Variants in LMO1 observed in about 807,000 individuals in gnomAD.
LMO1 encodes LIM domain only 1.
A neutral mutation model predicts 18.0 loss-of-function variants in LMO1; 10 were observed. That is an observed-to-expected ratio of 0.55 (90% CI 0.34 to 0.94). The LOEUF is 0.94. Ranked by LOEUF, LMO1 falls within the 40% of genes least tolerant of loss-of-function variation. The probability of loss-of-function intolerance (pLI) is 0.02; values close to 1 mark genes in which losing one functional copy is unlikely to be tolerated. For missense variants in LMO1, 183 were observed against 205.7 expected, an observed-to-expected ratio of 0.89 and a Z score of 0.68; for synonymous variants, 77 against 77.9, an observed-to-expected ratio of 0.99 and a Z score of 0.06.
At chr11:8,259,519 C>T (rs1847152152) in intron 1 of LMO1, among the ~76,000 whole-genome samples, 1 of 152,232 alleles carries the variant, frequency 6.6e-6, no homozygotes, top group Admixed American at 6.5e-5. Context: ...TGGGCAAGTG[C>T]ACAATTTGGT....
intron 1 of LMO1, among the ~76,000 whole-genome samples, chr11:8,239,705 G>A (rs1846751138): frequency 6.6e-6 from 1 of 152,190 alleles, no homozygotes; most frequent in Non-Finnish European, 1.5e-5. Context: ...GACATTTGGA[G>A]CTGAAGAAGT....
chr11:8,250,922 T>G (rs1475144097), intron 1 of LMO1, among the ~76,000 whole-genome samples: 2 of 151,976 alleles, frequency 1.3e-5, no homozygotes, highest in Admixed American at 6.6e-5. Flanking sequence ...GCTCCAGGGG[T>G]CCCCTCTACC....
chr11:8,235,928 A>G (rs1412727467), intron 1 of LMO1, among the ~76,000 whole-genome samples: 1 of 152,224 alleles, frequency 6.6e-6, no homozygotes, highest in African/African-American at 2.4e-5. Context: ...ATAGTGAGAG[A>G]CACTTATTTT....
chr11:8,243,353 A>G (rs437976), intron 1 of LMO1, among the ~76,000 whole-genome samples: 86,124 of 152,070 alleles, frequency 0.57, 26,373 homozygotes, highest in East Asian at 0.9. Flanking sequence ...AAGCTTTGGA[A>G]TCAGACAGTT....
In LMO1 at chr11:8,263,410, G is replaced by A; in HGVS notation, c.-48C>T. ...GCAGCTAGGCTCGGCCGGGAGAAGG[G>A]CGCCGACTCGGGGCGCGCTTTGGAG... On this transcript the variant is annotated 5_prime_UTR_variant, in exon 1 of 4. Coordinates refer to ENST00000335790, the MANE Select transcript of LMO1 (RefSeq NM_002315.3). The A allele has an allele frequency of 6.3e-7, 1 of 1,592,796 alleles. No individual in the cohort carries two copies. Among genetic ancestry groups the A allele is most frequent in the Non-Finnish European group, 8.5e-7 (1 of 1,174,260 alleles).
chr11:8,259,231 C>G (rs548350446), intron 1 of LMO1, among the ~76,000 whole-genome samples: 9 of 152,306 alleles, frequency 5.9e-5, no homozygotes, highest in African/African-American at 1.7e-4. Flanking sequence ...CCCTGTCCCC[C>G]CTTAGTGCTG....
At chr11:8,227,198 C>T in intron 2 of LMO1, 98 bp from the exon 3 acceptor site, 1 of 1,523,624 alleles carries the variant, frequency 6.6e-7, no homozygotes, top group Non-Finnish European at 8.8e-7. Context: ...TCCCATACTC[C>T]AACTTGTGGG....
chr11:8,268,471 C>G (rs756281381), upstream of LMO1: 57 of 1,431,676 alleles, frequency 4.0e-5, no homozygotes, highest in South Asian at 1.7e-4. Flanking sequence ...TCCAGCCGGA[C>G]TAGCGCCGAG....
At chr11:8,262,955 T>A (rs892459161) in intron 1 of LMO1, among the ~76,000 whole-genome samples, 5 of 152,054 alleles carry the variant, frequency 3.3e-5, no homozygotes, top group African/African-American at 1.2e-4. Flanking sequence ...GGGTGATGGC[T>A]GCGGTGAGAG....
intron 1 of LMO1, among the ~76,000 whole-genome samples, chr11:8,257,107 G>C (rs970653746): frequency 6.6e-6 from 1 of 152,216 alleles, no homozygotes; most frequent in Non-Finnish European, 1.5e-5. Context: ...CATTGTGGCT[G>C]ACTTCAAGCT....
upstream of LMO1, chr11:8,268,492 G>A (rs574263568): frequency 2.7e-4 from 374 of 1,369,914 alleles, 3 homozygotes; most frequent in African/African-American, 4.8e-3. Flanking sequence ...GATACGGAGG[G>A]GCGCGTGGCT....
chr11:8,225,518 T>C (rs761455396), intron 3 of LMO1, among the ~76,000 whole-genome samples: 1 of 151,064 alleles, frequency 6.6e-6, no homozygotes. Context: ...GATGGCTCAG[T>C]ACAGGGCATT....
intron 1 of LMO1, among the ~76,000 whole-genome samples, chr11:8,253,822 A>G (rs550213025): frequency 2.6e-5 from 4 of 151,940 alleles, no homozygotes; most frequent in Non-Finnish European, 5.9e-5. Flanking sequence ...GCCGAGACTC[A>G]GAGAAGAGGG....
upstream of LMO1, among the ~76,000 whole-genome samples, chr11:8,265,644 C>T (rs1847253624): frequency 6.6e-6 from 1 of 152,206 alleles, no homozygotes; most frequent in Non-Finnish European, 1.5e-5. Context: ...CCTGCCACTG[C>T]CGCCAGACCC....
At chr11:8,251,977 C>T (rs1396126080) in intron 1 of LMO1, among the ~76,000 whole-genome samples, 12 of 93,122 alleles carry the variant, frequency 1.3e-4, no homozygotes, top group African/African-American at 3.7e-4. Flanking sequence ...TGGGGGTGTG[C>T]GTGTGTGGGG....
chr11:8,265,552 A>C (rs1847252759), upstream of LMO1, among the ~76,000 whole-genome samples: 1 of 152,042 alleles, frequency 6.6e-6, no homozygotes, highest in South Asian at 2.1e-4. Flanking sequence ...ACTTAATCCT[A>C]ATAGTCCTTG....
At chr11:8,251,803 T>C (rs369758049) in intron 1 of LMO1, among the ~76,000 whole-genome samples, 8 of 150,694 alleles carry the variant, frequency 5.3e-5, no homozygotes, top group Admixed American at 1.3e-4. Flanking sequence ...GGAGTGCGTG[T>C]GTGAGTGTGT....
chr11:8,254,188 T>C (rs1335277495), intron 1 of LMO1, among the ~76,000 whole-genome samples: 1 of 152,104 alleles, frequency 6.6e-6, no homozygotes, highest in Non-Finnish European at 1.5e-5. Flanking sequence ...AGAAACAGAA[T>C]AACACAAAAG....
intron 1 of LMO1, among the ~76,000 whole-genome samples, chr11:8,251,676 TGAGA>T (rs970514472): frequency 1.3e-4 from 19 of 151,154 alleles, no homozygotes; most frequent in East Asian, 5.9e-4. Context: ...TGTTTGTGTG[TGAGA>T]GAGAGAGAGT....
Sources: gnomAD v4.1 joint callset for allele counts (sites outside exome capture counted in the v4.1 genomes callset) on GRCh38, gnomAD v4.1.1 for gene constraint, MANE v1.5 for transcripts, NCBI Gene and HGNC (gene_info 2026-07-23, HGNC 2026-07-21) for gene names.